Variants in THSD7A observed in about 807,000 individuals in gnomAD.
THSD7A encodes thrombospondin type 1 domain containing 7A.
Under a neutral mutation model 231.3 loss-of-function variants are expected in THSD7A, and 96 were observed. That is an observed-to-expected ratio of 0.41 (90% CI 0.35 to 0.49). THSD7A has a LOEUF of 0.49. Among genes scored for constraint, THSD7A ranks in the 20% least tolerant of loss-of-function variants. The pLI, the probability that THSD7A is intolerant of heterozygous loss-of-function variation, is 0.05. For missense variants in THSD7A, 2,290 were observed against 2,070.2 expected (o/e 1.11, Z -2.06); for synonymous variants, 940 against 743.3 (o/e 1.26, Z -4.30).
intron 1 of THSD7A, among the ~76,000 whole-genome samples, chr7:11,714,129 G>A (rs1781055385): frequency 6.6e-6 from 1 of 151,098 alleles, no homozygotes. Flanking sequence ...TGTTTTCAAG[G>A]CACTTGTAGT....
chr7:11,509,386 T>C (rs1787695574), intron 6 of THSD7A, among the ~76,000 whole-genome samples: 1 of 152,152 alleles, frequency 6.6e-6, no homozygotes, highest in African/African-American at 2.4e-5. Flanking sequence ...TCCAACAAAA[T>C]TGTTCCAGAT....
In THSD7A at chr7:11,644,916, C is replaced by T. The variant is rs150669977; in HGVS notation, c.191-7955G>A. Among the ~76,000 whole-genome samples, 1,132 of 151,950 alleles carry T rather than the reference C, an allele frequency of 7.4e-3. 11 individuals are homozygous for T. Among genetic ancestry groups the T allele is most frequent in the African/African-American group, 0.026 (1,065 of 41,520 alleles). On this transcript the variant is annotated intron_variant, in intron 1 of 27. Coordinates refer to ENST00000423059, the MANE Select transcript of THSD7A (RefSeq NM_015204.3). ...TGCCTTTCTTTTACACAAAAAGATT[C>T]ACATTTTCATGTGACAGTATTTTAA...
chr7:11,665,446 T>C (rs1481438886), intron 1 of THSD7A, among the ~76,000 whole-genome samples: 1 of 152,070 alleles, frequency 6.6e-6, no homozygotes, highest in Non-Finnish European at 1.5e-5. Context: ...GGGTTTTTAT[T>C]GTGTCCTTAA....
At chr7:11,787,274 C>T (rs1335144474) in intron 1 of THSD7A, among the ~76,000 whole-genome samples, 1 of 151,684 alleles carries the variant, frequency 6.6e-6, no homozygotes, top group Non-Finnish European at 1.5e-5. Context: ...AAATGGACCA[C>T]AAGACCTAAG....
intron 6 of THSD7A, among the ~76,000 whole-genome samples, chr7:11,504,668 TGA>T (rs1286537409): frequency 6.6e-6 from 1 of 152,172 alleles, no homozygotes; most frequent in Non-Finnish European, 1.5e-5. Context: ...TGAATATGTT[TGA>T]GAGTTAAACA....
intron 11 of THSD7A, among the ~76,000 whole-genome samples, chr7:11,449,463 C>A (rs1182648555): frequency 1.3e-5 from 2 of 152,074 alleles, no homozygotes; most frequent in African/African-American, 2.4e-5. Context: ...AGGGTTCTGG[C>A]AAACACATAT....
chr7:11,483,978 C>A (rs1274699034), intron 6 of THSD7A, among the ~76,000 whole-genome samples: 1 of 151,988 alleles, frequency 6.6e-6, no homozygotes, highest in African/African-American at 2.4e-5. Flanking sequence ...CAATTTTGAC[C>A]TTTCTTCTAA....
rs770787779 is a variant in THSD7A at position 11,541,564 on chromosome 7, G to A, written c.1677C>T (p.Cys559=). The A allele has an allele frequency of 2.5e-6, 4 of 1,613,940 alleles. No homozygotes were observed. Among genetic ancestry groups the A allele is most frequent in the Admixed American group, 1.7e-5 (1 of 59,986 alleles). Residue 559 remains cysteine, a synonymous_variant, in exon 6 of 28, where the codon TGC becomes TGT. Coordinates refer to ENST00000423059, the MANE Select transcript of THSD7A (RefSeq NM_015204.3). ...AGGGAATGGCTTCCAGTAAGTGAGG[G>A]CAGTTTCCGGTTACCCCAGAGCCTC... ...PTGGSGVTGN[C]PHLLEAIPCE...
intron 17 of THSD7A, among the ~76,000 whole-genome samples, chr7:11,417,055 G>C (rs1783986034): frequency 6.6e-6 from 1 of 152,118 alleles, no homozygotes. Flanking sequence ...AAGGTACTGG[G>C]CAAAAAGCAA....
At chr7:11,486,919 T>C (rs544647320) in intron 6 of THSD7A, among the ~76,000 whole-genome samples, 17 of 152,302 alleles carry the variant, frequency 1.1e-4, no homozygotes, top group Admixed American at 1.1e-3. Flanking sequence ...CTGAAGCATA[T>C]ACTATTTAAA....
chr7:11,593,731 T>C (rs1780257291), intron 2 of THSD7A, among the ~76,000 whole-genome samples: 2 of 152,142 alleles, frequency 1.3e-5, no homozygotes. Flanking sequence ...TCATAGGAAA[T>C]AGAAAATAAA....
chr7:11,714,080 A>T (rs1049625120), intron 1 of THSD7A, among the ~76,000 whole-genome samples: 3 of 151,280 alleles, frequency 2.0e-5, no homozygotes, highest in Non-Finnish European at 4.4e-5. Flanking sequence ...ACTATTTGTT[A>T]ATGAAGGTCA....
chr7:11,407,344 G>T lies in THSD7A; in HGVS notation c.3878C>A (p.Ser1293Tyr), dbSNP rs1297800591. 1 of 1,613,652 alleles carries T rather than the reference G, an allele frequency of 6.2e-7. No homozygotes were observed. The highest frequency in any genetic ancestry group is 1.1e-5 in the South Asian group (1 of 90,940). ...TGTTTGAGAACATTCTGACCAAGGAGACCAATCAGAAAGCTGACAGTTCAC... is the reference window on the plus strand; with the variant it reads ...TGTTTGAGAACATTCTGACCAAGGATACCAATCAGAAAGCTGACAGTTCAC... Reference protein sequence around the residue: ...CPVNCQLSDWSPWSECSQTCG... With the variant: ...CPVNCQLSDWYPWSECSQTCG... Residue 1293 changes from serine to tyrosine, a missense_variant, in exon 20 of 28, where the codon TCT (serine) becomes TAT (tyrosine). Physicochemically the swap from Ser to Tyr is moderately radical, Grantham distance 144. Transcript: ENST00000423059.
At chr7:11,626,476 G>A (rs1781475520) in intron 2 of THSD7A, among the ~76,000 whole-genome samples, 1 of 152,098 alleles carries the variant, frequency 6.6e-6, no homozygotes, top group Non-Finnish European at 1.5e-5. Flanking sequence ...TAAAAGGAGA[G>A]GTGAAGACAT....
At position 11,562,057 on chromosome 7, in the gene THSD7A, T is replaced by G. The variant is rs1041121674; in HGVS notation, c.1454-18940A>C. On this transcript the variant is annotated intron_variant, in intron 4 of 27. Transcript: ENST00000423059. The stretch of plus-strand genomic sequence containing the variant: ...AGGGAATAGTTTGACTAGAATGATA[T>G]AAGTTTTCAAAACAGACTATTTGGT... 4.6e-5 allele frequency among the ~76,000 whole-genome samples: 7 copies of G among 152,292 alleles called. 2 individuals carry two copies. The highest frequency in any genetic ancestry group is 6.5e-5 in the Admixed American group (1 of 15,304).
chr7:11,509,621 A>T (rs1452373053), intron 6 of THSD7A, among the ~76,000 whole-genome samples: 1 of 151,510 alleles, frequency 6.6e-6, no homozygotes, highest in Non-Finnish European at 1.5e-5. Flanking sequence ...TCACGAGGTC[A>T]GGAGATCGAG....
At chr7:11,755,134 G>C (rs1388308845) in intron 1 of THSD7A, among the ~76,000 whole-genome samples, 1 of 151,986 alleles carries the variant, frequency 6.6e-6, no homozygotes, top group African/African-American at 2.4e-5. Flanking sequence ...GGTCTCTAGG[G>C]GGCGGAGGAT....
Position 11,636,794 on chromosome 7 carries a change from C to G in THSD7A, c.358G>C (p.Glu120Gln). 1 of 1,614,004 alleles carries G rather than the reference C, an allele frequency of 6.2e-7. No homozygotes were observed. The highest frequency in any genetic ancestry group is 8.5e-7 in the Non-Finnish European group (1 of 1,179,894). ...NCFKVCDWHK[E>Q]LYDWRLGPWN... ...GGTCCCAGTCTCCAGTCGTACAACT[C>G]TTTGTGCCAATCGCAAACTTTGAAA... Residue 120 changes from glutamate to glutamine, a missense_variant, in exon 2 of 28, where the codon GAG becomes CAG. Glu to Gln is a conservative substitution (Grantham distance 29, BLOSUM62 2). Coordinates refer to ENST00000423059, the MANE Select transcript of THSD7A (RefSeq NM_015204.3). The surrounding 1 kb of genome is among the most constrained non-coding windows in gnomAD (Gnocchi z 10.0).
intron 1 of THSD7A, among the ~76,000 whole-genome samples, chr7:11,758,645 T>A (rs183097456): frequency 1.1e-4 from 17 of 152,204 alleles, no homozygotes; most frequent in African/African-American, 3.9e-4. Flanking sequence ...GCAAAGATAA[T>A]TTTCTGTCTT....
Sources: gnomAD v4.1 joint callset for allele counts (sites outside exome capture counted in the v4.1 genomes callset) on GRCh38, gnomAD v4.1.1 for gene constraint, Gnocchi (gnomAD v3.1) non-coding constraint, MANE v1.5 for transcripts, NCBI Gene and HGNC (gene_info 2026-07-23, HGNC 2026-07-21) for gene names.